The following PTPRK variants were observed in gnomAD, a reference collection of about 807,000 sequenced individuals.
PTPRK encodes receptor-type tyrosine-protein phosphatase kappa.
PTPRK carries 75 observed loss-of-function variants against 178.0 expected under a neutral mutation model. That is an observed-to-expected ratio of 0.42 (90% CI 0.35 to 0.51). The LOEUF is 0.51. PTPRK is among the 20% of genes least tolerant of loss of function. PTPRK has a pLI of 0.02. For missense variants in PTPRK, 1,441 were observed against 1,797.8 expected, an observed-to-expected ratio of 0.80 and a Z score of 3.59; for synonymous variants, 637 against 620.6, an observed-to-expected ratio of 1.03 and a Z score of -0.39.
At chr6:128,343,362 T>A (rs1031809966) in intron 2 of PTPRK, among the ~76,000 whole-genome samples, 3 of 151,838 alleles carry the variant, frequency 2.0e-5, no homozygotes, top group Non-Finnish European at 4.4e-5. Context: ...TAGCTGGGCG[T>A]GGCAGTGGGT....
At chr6:128,426,091 C>T (rs1844105166) in intron 1 of PTPRK, among the ~76,000 whole-genome samples, 1 of 152,148 alleles carries the variant, frequency 6.6e-6, no homozygotes. Flanking sequence ...TCTCTTGGGA[C>T]TAGTATTCTT....
At chr6:128,413,825 C>T (rs188562509) in intron 1 of PTPRK, among the ~76,000 whole-genome samples, 1 of 152,096 alleles carries the variant, frequency 6.6e-6, no homozygotes, top group Admixed American at 6.5e-5. Context: ...CTATACTGAC[C>T]CAACTTTTCA....
intron 5 of PTPRK, chr6:128,235,709 G>A (rs979564490): frequency 2.3e-5 from 9 of 383,766 alleles, no homozygotes; most frequent in South Asian, 7.8e-5. Context: ...GTTAGTCATC[G>A]ACATTGTGTG....
At chr6:128,066,695 T>C (rs1208461676) in intron 12 of PTPRK, among the ~76,000 whole-genome samples, 2 of 145,528 alleles carry the variant, frequency 1.4e-5, no homozygotes, top group East Asian at 3.9e-4. Context: ...TCTATCTCTG[T>C]CTGCCAATAA....
At chr6:128,193,946 TA>T (rs1431260767) in intron 6 of PTPRK, among the ~76,000 whole-genome samples, 6 of 151,832 alleles carry the variant, frequency 4.0e-5, no homozygotes, top group African/African-American at 1.2e-4. Flanking sequence ...CTTTAGCTCA[TA>T]ATCAAACTAT....
At chr6:128,138,375 A>T (rs936786804) in intron 7 of PTPRK, among the ~76,000 whole-genome samples, 2 of 152,120 alleles carry the variant, frequency 1.3e-5, no homozygotes, top group Non-Finnish European at 2.9e-5. Flanking sequence ...GAAAAAATAG[A>T]TGTGCAACCT....
At chr6:128,090,694 A>G (rs1019286413) in intron 7 of PTPRK, among the ~76,000 whole-genome samples, 1 of 152,168 alleles carries the variant, frequency 6.6e-6, no homozygotes, top group Non-Finnish European at 1.5e-5. Context: ...GGCAGAACTA[A>G]AGACTCCAAA....
intron 7 of PTPRK, among the ~76,000 whole-genome samples, chr6:128,093,144 T>C (rs1025354760): frequency 6.6e-6 from 1 of 152,242 alleles, no homozygotes; most frequent in Admixed American, 6.5e-5. Flanking sequence ...TTCTTGCTCC[T>C]CCTCAATTTC....
intron 6 of PTPRK, among the ~76,000 whole-genome samples, chr6:128,216,067 T>C (rs548887080): frequency 1.3e-5 from 2 of 152,250 alleles, no homozygotes; most frequent in East Asian, 3.9e-4. Flanking sequence ...CCTGTACGTA[T>C]TAAATATAGA....
At chr6:128,285,544 C>T (rs765059700) in intron 3 of PTPRK, among the ~76,000 whole-genome samples, 1 of 149,526 alleles carries the variant, frequency 6.7e-6, no homozygotes. Context: ...GGCGTGGTGG[C>T]TCATGCCTGT....
chr6:128,500,748 CTG>C (rs1171439205), intron 1 of PTPRK: 1 of 152,198 alleles, frequency 6.6e-6, no homozygotes, highest in Non-Finnish European at 1.5e-5. Flanking sequence ...AGAGTACTAA[CTG>C]AGAAGAGTTA....
intron 8 of PTPRK, among the ~76,000 whole-genome samples, chr6:128,085,512 T>G (rs1226493980): frequency 6.6e-6 from 1 of 152,224 alleles, no homozygotes; most frequent in Non-Finnish European, 1.5e-5. Context: ...AATGAATAAA[T>G]GTTGATTTGA....
chr6:128,097,021 A>G (rs933751495), intron 7 of PTPRK, among the ~76,000 whole-genome samples: 1 of 152,182 alleles, frequency 6.6e-6, no homozygotes, highest in African/African-American at 2.4e-5. Context: ...TCAAGGTTTT[A>G]CATTTCACTT....
At position 128,218,966 on chromosome 6, in the gene PTPRK, T is replaced by G; in HGVS notation, c.824A>C (p.Glu275Ala). The G allele has an allele frequency of 1.9e-6, 3 of 1,614,118 alleles. No individual in the cohort carries two copies. Among genetic ancestry groups the G allele is most frequent in the Non-Finnish European group, 2.5e-6 (3 of 1,179,986 alleles). Reference sequence around the variant, plus strand: ...AAAATTGGACACACCGGAACCTCGTTCTGACTGAGTTACACAGCGATACAA... The same window carrying G: ...AAAATTGGACACACCGGAACCTCGTGCTGACTGAGTTACACAGCGATACAA... ...QDLYRCVTQS[E>A]RGSGVSNFAQ... Residue 275 changes from glutamate (E) to alanine (A), a missense_variant, in exon 6 of 30, where the codon GAA becomes GCA. By Grantham distance (107) the Glu-to-Ala change is moderately radical. Around this residue, in one of 4 missense-constraint regions of PTPRK, gnomAD observed 945 missense variants for 1,080.6 expected, o/e 0.87. Coordinates refer to ENST00000368226, the MANE Select transcript of PTPRK (RefSeq NM_002844.4).
At chr6:128,112,312 A>C (rs1318053112) in intron 7 of PTPRK, among the ~76,000 whole-genome samples, 1 of 152,112 alleles carries the variant, frequency 6.6e-6, no homozygotes, top group Non-Finnish European at 1.5e-5. Flanking sequence ...ATATGTAAAA[A>C]CTGCATGCAT....
At chr6:128,067,439 G>A (rs761675647) in intron 12 of PTPRK, 80 bp downstream of exon 12, 10 of 1,317,250 alleles carry the variant, frequency 7.6e-6, no homozygotes, top group East Asian at 5.0e-5. Context: ...TTTTCTTGAC[G>A]GATGCTACTG....
In PTPRK at chr6:128,225,989, G is replaced by A. The variant is rs17350286; in HGVS notation, c.694-6893C>T. Among the ~76,000 whole-genome samples the A allele has an allele frequency of 6.0e-3, 919 of 152,226 alleles. 3 individuals are homozygous for A. Among genetic ancestry groups the A allele is most frequent in the Middle Eastern group, 0.024 (7 of 294 alleles). ...TCAAGTGTAACAAAATATAAAGTCA[G>A]CTATTCAACAAGAAAAAGAGTTTCA... On this transcript the variant is annotated intron_variant, in intron 5 of 29. Transcript: ENST00000368226.
At chr6:128,106,501 G>A (rs150587676) in intron 7 of PTPRK, among the ~76,000 whole-genome samples, 2 of 151,330 alleles carry the variant, frequency 1.3e-5, no homozygotes, top group African/African-American at 4.8e-5. Flanking sequence ...TGTGTGTAAA[G>A]CGCTAGGAAA....
chr6:128,461,633 AC>A (rs1444147318), intron 1 of PTPRK, among the ~76,000 whole-genome samples: 1 of 152,164 alleles, frequency 6.6e-6, no homozygotes, highest in Non-Finnish European at 1.5e-5. Context: ...CACAAAATTC[AC>A]CCTTTTAAAA....
Sources: gnomAD v4.1 joint callset for allele counts (sites outside exome capture counted in the v4.1 genomes callset) on GRCh38, gnomAD v4.1.1 for gene constraint, gnomAD v4.1.1 regional missense constraint, MANE v1.5 for transcripts, NCBI Gene and HGNC (gene_info 2026-07-23, HGNC 2026-07-21) for gene names.